Variants in LRRC8D observed in about 807,000 individuals in gnomAD.
The protein encoded by LRRC8D is leucine rich repeat containing 8 VRAC subunit D.
In LRRC8D, 20 loss-of-function variants were observed where a neutral mutation model predicts 55.8. That is an observed-to-expected ratio of 0.36 (90% CI 0.25 to 0.52). The LOEUF (loss-of-function observed/expected upper bound fraction) is 0.52. LRRC8D is among the 20% of genes least tolerant of loss of function. The pLI is 0.93. For synonymous variants in LRRC8D, 352 were observed against 377.0 expected (o/e 0.93, Z 0.77); for missense variants, 651 against 1,030.8 (o/e 0.63, Z 5.05).
chr1:89,882,929 A>G (rs1322750065), intron 2 of LRRC8D, among the ~76,000 whole-genome samples: 1 of 152,078 alleles, frequency 6.6e-6, no homozygotes, highest in African/African-American at 2.4e-5. Context: ...GCATATGGAG[A>G]AATGTGGAGA....
At chr1:89,926,831 C>T (rs1396596757) in intron 2 of LRRC8D, among the ~76,000 whole-genome samples, 1 of 152,212 alleles carries the variant, frequency 6.6e-6, no homozygotes, top group Non-Finnish European at 1.5e-5. Context: ...GTAGGAAGAA[C>T]ATGTGCTTTG....
At chr1:89,858,691 C>A (rs1205786684) in intron 2 of LRRC8D, among the ~76,000 whole-genome samples, 1 of 150,658 alleles carries the variant, frequency 6.6e-6, no homozygotes, top group Non-Finnish European at 1.5e-5. Context: ...TTTTTTCCTT[C>A]CTTACTTGCT....
intron 2 of LRRC8D, among the ~76,000 whole-genome samples, chr1:89,917,714 T>G (rs1663310653): frequency 6.6e-6 from 1 of 152,082 alleles, no homozygotes; most frequent in Non-Finnish European, 1.5e-5. Flanking sequence ...CAGGGGAAGG[T>G]CCAAGCTTCC....
At chr1:89,838,116 T>G (rs1298585256) in intron 1 of LRRC8D, among the ~76,000 whole-genome samples, 1 of 151,648 alleles carries the variant, frequency 6.6e-6, no homozygotes, top group Non-Finnish European at 1.5e-5. Flanking sequence ...TCCCAGCACT[T>G]TGGGAGACCG....
intron 2 of LRRC8D, among the ~76,000 whole-genome samples, chr1:89,928,317 C>T (rs139176985): frequency 4.8e-4 from 73 of 152,248 alleles, no homozygotes; most frequent in African/African-American, 1.4e-3. Context: ...GTGATCTGCC[C>T]ACCTCGGCCT....
At chr1:89,859,417 C>A (rs998405711) in intron 2 of LRRC8D, among the ~76,000 whole-genome samples, 2 of 152,020 alleles carry the variant, frequency 1.3e-5, no homozygotes, top group Admixed American at 6.6e-5. Flanking sequence ...GACATTGCAC[C>A]CTTTCGTCTG....
In LRRC8D at chr1:89,935,330, G is replaced by A. The variant is rs773532549; in HGVS notation, c.2262G>A (p.Leu754=). 6.2e-7 allele frequency: 1 copy of A among 1,614,226 alleles called. No homozygotes were observed. Among genetic ancestry groups the A allele is most frequent in the Non-Finnish European group, 8.5e-7 (1 of 1,180,030 alleles). ...IPIEIGLLQN[L]QHLHITGNKV... ...TAGAAATAGGATTGCTTCAGAACCT[G>A]CAGCATTTGCATATCACTGGGAACA... The change falls in exon 3 of 3, where the codon CTG becomes CTA. Residue 754 remains leucine, a synonymous_variant. Coordinates refer to ENST00000337338, the MANE Select transcript of LRRC8D (RefSeq NM_001134479.2).
intron 2 of LRRC8D, among the ~76,000 whole-genome samples, chr1:89,851,806 G>A (rs1392336686): frequency 2.0e-5 from 3 of 151,924 alleles, no homozygotes; most frequent in Admixed American, 1.3e-4. Flanking sequence ...CACCGCGACC[G>A]GCACCACCTT....
chr1:89,824,639 T>C (rs191285278), intron 1 of LRRC8D, among the ~76,000 whole-genome samples: 1 of 152,250 alleles, frequency 6.6e-6, no homozygotes, highest in East Asian at 1.9e-4. Context: ...AGCTGCCTAC[T>C]CTCTTTGAAT....
intron 2 of LRRC8D, among the ~76,000 whole-genome samples, chr1:89,884,053 A>G (rs17130913): frequency 0.02 from 3,083 of 152,338 alleles, 109 homozygotes; most frequent in African/African-American, 0.071. Context: ...CAAACCAGCT[A>G]GGTTAGAGCG....
intron 2 of LRRC8D, among the ~76,000 whole-genome samples, chr1:89,898,727 A>G (rs1313368359): frequency 6.6e-6 from 1 of 152,262 alleles, no homozygotes; most frequent in Non-Finnish European, 1.5e-5. Flanking sequence ...CAGCTTTACT[A>G]AGATTTAATT....
At chr1:89,931,715 C>T (rs998195851) in intron 2 of LRRC8D, among the ~76,000 whole-genome samples, 16 of 151,976 alleles carry the variant, frequency 1.1e-4, no homozygotes, top group East Asian at 1.9e-4. Flanking sequence ...GCTGAGATCG[C>T]GCCACTGCAC....
chr1:89,935,591 AG>A lies in LRRC8D; in HGVS notation c.2524del (p.Val842SerfsTer5). On this transcript the variant is annotated frameshift_variant, in exon 3 of 3. Transcript: ENST00000337338. LOFTEE classifies it high-confidence loss of function. Reference sequence around the variant, plus strand: ...ACCTTTTTGATACCCTGCCACTCGAAGTCAAAGAGGCATTGAATCAAGACAT... The same window carrying A: ...ACCTTTTTGATACCCTGCCACTCGAATCAAAGAGGCATTGAATCAAGACAT... The part of the protein sequence containing the change: ...DHLFDTLPLE[V>X]KEALNQDINI... The A allele has an allele frequency of 6.2e-7, 1 of 1,614,160 alleles. No individual in the cohort carries two copies. Among genetic ancestry groups the A allele is most frequent in the Non-Finnish European group, 8.5e-7 (1 of 1,180,048 alleles).
At chr1:89,821,582 T>C (rs1419852616) in intron 1 of LRRC8D, among the ~76,000 whole-genome samples, 9 of 152,204 alleles carry the variant, frequency 5.9e-5, no homozygotes, top group Non-Finnish European at 1.3e-4. Context: ...GAGTGCGGCT[T>C]CCTGGCTCCT....
chr1:89,899,362 C>T (rs954570995), intron 2 of LRRC8D, among the ~76,000 whole-genome samples: 1 of 152,220 alleles, frequency 6.6e-6, no homozygotes, highest in Non-Finnish European at 1.5e-5. Flanking sequence ...TCAGCCACAT[C>T]CAAGTTACTT....
chr1:89,919,531 T>C (rs1663358517), intron 2 of LRRC8D, among the ~76,000 whole-genome samples: 2 of 152,226 alleles, frequency 1.3e-5, no homozygotes, highest in South Asian at 2.1e-4. Context: ...TGGTCAAGTT[T>C]AATCTAAGAT....
At chr1:89,838,691 A>G (rs1470403685) in intron 1 of LRRC8D, among the ~76,000 whole-genome samples, 1 of 152,166 alleles carries the variant, frequency 6.6e-6, no homozygotes, top group Non-Finnish European at 1.5e-5. Flanking sequence ...CAGTACATCA[A>G]CCATCATGTC....
At chr1:89,873,183 C>T (rs936505117) in intron 2 of LRRC8D, among the ~76,000 whole-genome samples, 5 of 152,092 alleles carry the variant, frequency 3.3e-5, no homozygotes, top group African/African-American at 1.2e-4. Context: ...TCAACCTGTC[C>T]TCTTTGAAAA....
At chr1:89,870,758 G>T (rs1239580322) in intron 2 of LRRC8D, among the ~76,000 whole-genome samples, 1 of 152,126 alleles carries the variant, frequency 6.6e-6, no homozygotes, top group East Asian at 1.9e-4. Context: ...TCTATAAGAT[G>T]CTTCAAGATA....
Sources: allele counts gnomAD v4.1 joint callset (sites outside exome capture counted in the v4.1 genomes callset), GRCh38; gene constraint gnomAD v4.1.1; transcripts MANE v1.5; gene names NCBI Gene and HGNC (gene_info 2026-07-23, HGNC 2026-07-21).